KIAA1549L: variants seen among roughly 807,000 people sequenced by gnomAD.
KIAA1549L encodes the protein UPF0606 protein KIAA1549L.
KIAA1549L carries 88 observed loss-of-function variants against 160.7 expected under a neutral mutation model. That is an observed-to-expected ratio of 0.55 (90% CI 0.46 to 0.65). The LOEUF (loss-of-function observed/expected upper bound fraction) is 0.65, where lower values mean the gene tolerates loss of function less well. Ranked by LOEUF, KIAA1549L falls within the 30% of genes least tolerant of loss-of-function variation. The pLI, the probability that KIAA1549L is intolerant of heterozygous loss-of-function variation, is 0.00. For missense variants in KIAA1549L, 2,258 were observed against 2,437.5 expected (o/e 0.93, Z 1.55); for synonymous variants, 950 against 976.7 (o/e 0.97, Z 0.51).
intron 6 of KIAA1549L, 82 bp from the exon 7 acceptor site, chr11:33,559,667 C>A (rs1854771565): frequency 1.7e-6 from 2 of 1,198,470 alleles, no homozygotes; most frequent in Non-Finnish European, 2.4e-6. Flanking sequence ...CCTGCTTAGC[C>A]TCCCCCTCCC....
chr11:33,634,498 T>C (rs1053471769), intron 16 of KIAA1549L, among the ~76,000 whole-genome samples: 1 of 152,092 alleles, frequency 6.6e-6, no homozygotes, highest in Non-Finnish European at 1.5e-5. Flanking sequence ...AAACACAGGG[T>C]GGGACAGTGG....
chr11:33,564,709 T>C (rs1331115014), intron 8 of KIAA1549L, among the ~76,000 whole-genome samples: 1 of 152,244 alleles, frequency 6.6e-6, no homozygotes, highest in Non-Finnish European at 1.5e-5. Flanking sequence ...TTTCTTCTGG[T>C]CTCAGCTCTG....
chr11:33,377,081 C>A (rs1849970725), intron 1 of KIAA1549L, among the ~76,000 whole-genome samples, 192 bp downstream of exon 1: 1 of 152,178 alleles, frequency 6.6e-6, no homozygotes, highest in African/African-American at 2.4e-5. Context: ...AAAAAAGGAG[C>A]AATCGCCTCT....
At chr11:33,534,694 A>G (rs1454397137) in intron 1 of KIAA1549L, among the ~76,000 whole-genome samples, 1 of 152,094 alleles carries the variant, frequency 6.6e-6, no homozygotes, top group Admixed American at 6.5e-5. Flanking sequence ...TCTTTAAATA[A>G]CTTCCTCCAA....
At chr11:33,530,801 G>A (rs75773710) in intron 1 of KIAA1549L, among the ~76,000 whole-genome samples, 2,607 of 152,200 alleles carry the variant, frequency 0.017, 83 homozygotes, top group African/African-American at 0.06. Flanking sequence ...AAGCTGTATT[G>A]TAACAGTCGA....
chr11:33,614,529 A>AGGCT lies in KIAA1549L; in HGVS notation c.5280-4004_5280-4003insGGCT, dbSNP rs1194353287. 6.9e-4 allele frequency among the ~76,000 whole-genome samples: 27 copies of AGGCT among 39,168 alleles called. 2 individuals are homozygous for AGGCT. Among genetic ancestry groups the AGGCT allele is most frequent in the Non-Finnish European group, 1.4e-3 (25 of 17,308 alleles). The allele number at this position is 39,168 out of a possible 152,430, so 25.7% of individuals were successfully genotyped here. A position where few individuals can be genotyped will look rare whatever the true frequency, so the allele number is the denominator to read the frequency against. On this transcript the variant is annotated intron_variant, in intron 15 of 20. Transcript: ENST00000658780. The stretch of plus-strand genomic sequence containing the variant: ...TCCTCTTGGGATCTGTGAGTGTAAC[A>AGGCT]AGATATATATATATATATATATATA...
intron 1 of KIAA1549L, among the ~76,000 whole-genome samples, chr11:33,502,547 G>C (rs1357555508): frequency 6.6e-6 from 1 of 152,176 alleles, no homozygotes; most frequent in Non-Finnish European, 1.5e-5. Flanking sequence ...TGGAGTTTCA[G>C]TGTTTTATTT....
intron 1 of KIAA1549L, among the ~76,000 whole-genome samples, chr11:33,535,365 T>C (rs1190603794): frequency 1.3e-5 from 2 of 152,108 alleles, no homozygotes; most frequent in Admixed American, 6.5e-5. Context: ...CATCTCCTAT[T>C]CTGTTGTTAG....
chr11:33,617,381 A>G (rs1850840790), intron 15 of KIAA1549L, among the ~76,000 whole-genome samples: 1 of 152,158 alleles, frequency 6.6e-6, no homozygotes, highest in South Asian at 2.1e-4. Context: ...CCACTCTTTG[A>G]AAAGATTTTT....
intron 16 of KIAA1549L, among the ~76,000 whole-genome samples, chr11:33,645,378 G>A (rs1851688092): frequency 6.6e-6 from 1 of 152,160 alleles, no homozygotes; most frequent in Non-Finnish European, 1.5e-5. Context: ...AAAGATTTTA[G>A]AAAGTACCGT....
intron 6 of KIAA1549L, among the ~76,000 whole-genome samples, chr11:33,554,586 T>A (rs1365885013): frequency 1.3e-5 from 2 of 152,216 alleles, no homozygotes; most frequent in African/African-American, 4.8e-5. Context: ...GTTTGTCTCA[T>A]CCTTGTTGCT....
At chr11:33,521,465 T>C (rs1394799953) in intron 1 of KIAA1549L, among the ~76,000 whole-genome samples, 1 of 152,244 alleles carries the variant, frequency 6.6e-6, no homozygotes, top group African/African-American at 2.4e-5. Flanking sequence ...GAGTCTTAAA[T>C]GTGTTCACAT....
intron 1 of KIAA1549L, among the ~76,000 whole-genome samples, chr11:33,538,322 A>G (rs1853939328): frequency 6.6e-6 from 1 of 152,250 alleles, no homozygotes; most frequent in African/African-American, 2.4e-5. Flanking sequence ...AAGCCTAGCC[A>G]TATCAATATG....
At chr11:33,382,362 G>A (rs1239448934) in intron 1 of KIAA1549L, among the ~76,000 whole-genome samples, 1 of 152,184 alleles carries the variant, frequency 6.6e-6, no homozygotes, top group Non-Finnish European at 1.5e-5. Context: ...AGCAATGCAC[G>A]TTGAGTTTGG....
chr11:33,412,567 A>G lies in KIAA1549L; in HGVS notation c.238+35678A>G, dbSNP rs145443977. On this transcript the variant is annotated intron_variant, in intron 1 of 20. Transcript: ENST00000658780. Reference sequence around the variant, plus strand: ...GTATTGAGGTACACAGTGATAGCATAGTAGAGTCTCTTAGCTAATGTACCA... The same window carrying G: ...GTATTGAGGTACACAGTGATAGCATGGTAGAGTCTCTTAGCTAATGTACCA... Among the ~76,000 whole-genome samples the G allele has an allele frequency of 5.7e-3, 867 of 152,310 alleles. 5 individuals carry two copies. The highest frequency in any genetic ancestry group is 8.3e-3 in the Non-Finnish European group (566 of 68,018).
chr11:33,618,741 T>G, intron 16 of KIAA1549L, 79 bp downstream of exon 16: 1 of 1,270,876 alleles, frequency 7.9e-7, no homozygotes, highest in Non-Finnish European at 1.0e-6. Context: ...CCACTGTGTT[T>G]TGGTTTACCA....
intron 16 of KIAA1549L, among the ~76,000 whole-genome samples, chr11:33,637,223 G>T (rs1467079134): frequency 6.6e-6 from 1 of 152,194 alleles, no homozygotes; most frequent in African/African-American, 2.4e-5. Context: ...AGCTCTGCCA[G>T]TTCTCTTCCA....
intron 1 of KIAA1549L, among the ~76,000 whole-genome samples, chr11:33,530,597 G>A (rs1193742303): frequency 6.6e-6 from 1 of 151,068 alleles, no homozygotes; most frequent in South Asian, 2.1e-4. Flanking sequence ...AAGATGCCGG[G>A]AGAAGAAGAG....
intron 19 of KIAA1549L, among the ~76,000 whole-genome samples, chr11:33,660,087 C>A (rs1292195993): frequency 6.6e-6 from 1 of 152,218 alleles, no homozygotes; most frequent in East Asian, 1.9e-4. Flanking sequence ...AGGGAAAATT[C>A]CAGAGCACTA....
Sources: allele counts gnomAD v4.1 joint callset (sites outside exome capture counted in the v4.1 genomes callset), GRCh38; gene constraint gnomAD v4.1.1; transcripts MANE v1.5; gene names NCBI Gene and HGNC (gene_info 2026-07-23, HGNC 2026-07-21).